ZBTB20: variants seen among roughly 807,000 people sequenced by gnomAD.
ZBTB20 encodes zinc finger and BTB domain-containing protein 20.
A neutral mutation model predicts 56.9 loss-of-function variants in ZBTB20; 9 were observed. That is an observed-to-expected ratio of 0.16 (90% CI 0.10 to 0.28). The LOEUF (loss-of-function observed/expected upper bound fraction) is 0.28. Ranked by LOEUF, ZBTB20 falls within the 10% of genes least tolerant of loss-of-function variation. The probability of loss-of-function intolerance (pLI) is 1.00; values close to 1 mark genes in which losing one functional copy is unlikely to be tolerated. For synonymous variants in ZBTB20, 417 were observed against 420.7 expected (o/e 0.99, Z 0.11); for missense variants, 655 against 1,003.0 (o/e 0.65, Z 4.69).
chr3:114,920,608 C>T (rs1234636893), intron 3 of ZBTB20, among the ~76,000 whole-genome samples: 1 of 151,682 alleles, frequency 6.6e-6, no homozygotes, highest in African/African-American at 2.4e-5. Flanking sequence ...AATGGGCACA[C>T]AACAAGAGGG....
intron 2 of ZBTB20, among the ~76,000 whole-genome samples, chr3:115,026,289 A>G (rs2080420243): frequency 6.6e-6 from 1 of 150,996 alleles, no homozygotes; most frequent in East Asian, 1.9e-4. Context: ...CTTACTGACA[A>G]TCTGTACCAA....
At chr3:114,958,948 C>T (rs1266300008) in intron 3 of ZBTB20, among the ~76,000 whole-genome samples, 1 of 151,888 alleles carries the variant, frequency 6.6e-6, no homozygotes, top group Admixed American at 6.6e-5. Flanking sequence ...GAAGTGATAA[C>T]ACTGTACTTA....
intron 3 of ZBTB20, among the ~76,000 whole-genome samples, chr3:114,924,642 TGGGTG>T (rs376705687): frequency 6.6e-6 from 1 of 152,164 alleles, no homozygotes; most frequent in Admixed American, 6.5e-5. Flanking sequence ...ATGTACAGAA[TGGGTG>T]GTGAAGAATG....
intron 7 of ZBTB20, among the ~76,000 whole-genome samples, chr3:114,413,807 C>T (rs373495645): frequency 2.1e-4 from 32 of 152,012 alleles, no homozygotes; most frequent in East Asian, 1.7e-3. Context: ...AGTTCAGAGA[C>T]GAAAAGTAAA....
Position 114,350,284 on chromosome 3 carries a change from G to A in ZBTB20, c.1794C>T (p.Phe598=), listed in dbSNP as rs777874668. Residue 598 remains phenylalanine, a synonymous_variant, in exon 11 of 12, where the codon TTC becomes TTT. Transcript: ENST00000675478. ...TAKQNYVKHM[F]VHTGEKPHQC... is the part of the protein sequence containing the mutation. ...TGGGGTGACACTCACCTGTGTGTAC[G>A]AACATGTGCTTGACGTAGTTCTGTT... 108 of 1,603,904 alleles carry A rather than the reference G, an allele frequency of 6.7e-5. No homozygotes were observed. Among genetic ancestry groups the A allele is most frequent in the Non-Finnish European group, 8.4e-5 (99 of 1,172,582 alleles).
At chr3:114,816,094 T>C (rs1478785642) in intron 4 of ZBTB20, among the ~76,000 whole-genome samples, 1 of 152,164 alleles carries the variant, frequency 6.6e-6, no homozygotes, top group Non-Finnish European at 1.5e-5. Flanking sequence ...AATTACATCA[T>C]CTCCCATGGC....
intron 5 of ZBTB20, among the ~76,000 whole-genome samples, chr3:114,788,439 G>A (rs559714442): frequency 2.0e-5 from 3 of 151,970 alleles, no homozygotes; most frequent in Admixed American, 6.6e-5. Context: ...GTACTTACTC[G>A]GCACAATGCA....
At chr3:114,454,581 G>T (rs966617324) in intron 7 of ZBTB20, 2 of 151,508 alleles carry the variant, frequency 1.3e-5, no homozygotes, top group African/African-American at 4.9e-5. Flanking sequence ...TCTCATACCT[G>T]GTGTGAATGC....
chr3:114,678,324 A>G (rs2061756366), intron 6 of ZBTB20, among the ~76,000 whole-genome samples: 1 of 152,204 alleles, frequency 6.6e-6, no homozygotes. Flanking sequence ...GTTTTTAAAA[A>G]AAAGAGTTTT....
chr3:114,521,117 T>C (rs2046588875), intron 6 of ZBTB20, among the ~76,000 whole-genome samples: 1 of 152,180 alleles, frequency 6.6e-6, no homozygotes, highest in Admixed American at 6.5e-5. Context: ...AACACACATA[T>C]ATTTTTCTAT....
rs201196057 is a variant in ZBTB20 at position 114,835,335 on chromosome 3, TG to T, written c.-416-34162del. ...GCTTTTATAGATTTGGATTTTTTTT[TG>T]TCATAAAGTATTCTATTTATTTCCC... On this transcript the variant is annotated intron_variant, in intron 4 of 11. Transcript: ENST00000675478. Among the ~76,000 whole-genome samples, 965 of 152,188 alleles carry T rather than the reference TG, an allele frequency of 6.3e-3. 8 individuals are homozygous for T. Among genetic ancestry groups the T allele is most frequent in the African/African-American group, 0.017 (726 of 41,546 alleles).
intron 5 of ZBTB20, among the ~76,000 whole-genome samples, chr3:114,722,122 A>G (rs1207852471): frequency 6.6e-6 from 1 of 152,198 alleles, no homozygotes; most frequent in East Asian, 1.9e-4. Context: ...ATAAGTGAGA[A>G]TAAGGGAGTG....
At chr3:114,587,476 G>A (rs2055300007) in intron 6 of ZBTB20, among the ~76,000 whole-genome samples, 1 of 152,178 alleles carries the variant, frequency 6.6e-6, no homozygotes, top group South Asian at 2.1e-4. Context: ...GTTACAGAAA[G>A]CGATAATAGT....
intron 6 of ZBTB20, among the ~76,000 whole-genome samples, chr3:114,522,648 T>C (rs1051604449): frequency 1.3e-5 from 2 of 152,088 alleles, no homozygotes; most frequent in Admixed American, 6.5e-5. Flanking sequence ...ATTAGGGTAG[T>C]AGTGGTGATG....
chr3:114,591,949 C>G (rs866473633), intron 6 of ZBTB20, among the ~76,000 whole-genome samples: 29 of 152,250 alleles, frequency 1.9e-4, no homozygotes, highest in African/African-American at 6.3e-4. Flanking sequence ...TTTTGCATCA[C>G]TCTTCCTTGC....
intron 2 of ZBTB20, among the ~76,000 whole-genome samples, chr3:114,984,506 A>T: frequency 6.6e-6 from 1 of 151,994 alleles, no homozygotes; most frequent in East Asian, 1.9e-4. Flanking sequence ...ACCCAGACCC[A>T]TGTAGTGACA....
chr3:115,085,743 C>A (rs2082961582), intron 1 of ZBTB20, among the ~76,000 whole-genome samples: 2 of 151,788 alleles, frequency 1.3e-5, no homozygotes, highest in Admixed American at 6.6e-5. Context: ...ACTTTTGTTT[C>A]TTTGGTAATC....
At chr3:114,833,892 G>A (rs2073985532) in intron 4 of ZBTB20, among the ~76,000 whole-genome samples, 1 of 151,936 alleles carries the variant, frequency 6.6e-6, no homozygotes, top group African/African-American at 2.4e-5. Context: ...ATAAGGCAAG[G>A]AAAGGTTAAA....
chr3:115,081,452 TAAG>T (rs1220195049), intron 1 of ZBTB20, among the ~76,000 whole-genome samples: 2 of 152,174 alleles, frequency 1.3e-5, no homozygotes, highest in Non-Finnish European at 2.9e-5. Context: ...GCTTACTTTT[TAAG>T]AAGGATTACA....
Sources: gnomAD v4.1 joint callset for allele counts (sites outside exome capture counted in the v4.1 genomes callset) on GRCh38, gnomAD v4.1.1 for gene constraint, MANE v1.5 for transcripts, NCBI Gene and HGNC (gene_info 2026-07-23, HGNC 2026-07-21) for gene names.